The following CADPS variants were observed in gnomAD, a reference collection of about 807,000 sequenced individuals.
CADPS encodes calcium dependent secretion activator.
In CADPS, 57 loss-of-function variants were observed where a neutral mutation model predicts 167.3. The ratio of observed to expected loss-of-function variants is 0.34; its 90% CI spans 0.28 to 0.42. CADPS has a LOEUF of 0.42. Among genes scored for constraint, CADPS ranks in the 20% least tolerant of loss-of-function variants. CADPS has a pLI of 1.00. For synonymous variants in CADPS, 676 were observed against 635.3 expected (o/e 1.06, Z -0.96); for missense variants, 1,414 against 1,738.1 (o/e 0.81, Z 3.32).
intron 11 of CADPS, among the ~76,000 whole-genome samples, chr3:62,540,729 A>C (rs1179312187): frequency 6.6e-6 from 1 of 152,186 alleles, no homozygotes; most frequent in Admixed American, 6.6e-5. Flanking sequence ...TTCTGTTTCA[A>C]AGAACTTGTG....
At chr3:62,648,242 A>G (rs2069043296) in intron 5 of CADPS, among the ~76,000 whole-genome samples, 1 of 152,154 alleles carries the variant, frequency 6.6e-6, no homozygotes, top group East Asian at 1.9e-4. Flanking sequence ...TTTAAAAAGT[A>G]TTTGGGGATC....
At chr3:62,667,156 A>T (rs1330369668) in intron 3 of CADPS, among the ~76,000 whole-genome samples, 1 of 149,598 alleles carries the variant, frequency 6.7e-6, no homozygotes, top group Admixed American at 6.8e-5. Flanking sequence ...CTGGCATGTT[A>T]TGAGGATTAA....
intron 1 of CADPS, among the ~76,000 whole-genome samples, chr3:62,818,019 C>T (rs1295077842): frequency 6.6e-6 from 1 of 152,120 alleles, no homozygotes; most frequent in Non-Finnish European, 1.5e-5. Context: ...TGACTTTCTC[C>T]AATTCTAGGA....
At chr3:62,865,680 A>C (rs1014125213) in intron 1 of CADPS, among the ~76,000 whole-genome samples, 2 of 152,174 alleles carry the variant, frequency 1.3e-5, no homozygotes, top group African/African-American at 4.8e-5. Context: ...GAAATGTATC[A>C]GAAAAGTCCA....
intron 10 of CADPS, among the ~76,000 whole-genome samples, chr3:62,553,811 T>C (rs2152300114): frequency 6.6e-6 from 1 of 152,278 alleles, no homozygotes; most frequent in African/African-American, 2.4e-5. Context: ...GATCCACATG[T>C]CATAACCACA....
At chr3:62,579,545 G>C (rs13313954) in intron 8 of CADPS, among the ~76,000 whole-genome samples, 1 of 152,070 alleles carries the variant, frequency 6.6e-6, no homozygotes, top group Non-Finnish European at 1.5e-5. Flanking sequence ...AGGACACAGC[G>C]GGGCCAGGTA....
At chr3:62,727,469 C>T (rs2076957713) in intron 3 of CADPS, among the ~76,000 whole-genome samples, 1 of 151,828 alleles carries the variant, frequency 6.6e-6, no homozygotes, top group Non-Finnish European at 1.5e-5. Context: ...CAATACCCAC[C>T]TTTTCTCTGA....
intron 6 of CADPS, among the ~76,000 whole-genome samples, chr3:62,633,943 C>A (rs1180506353): frequency 6.6e-6 from 1 of 151,922 alleles, no homozygotes; most frequent in African/African-American, 2.4e-5. Context: ...TTTTTACTTC[C>A]CCCTGCTGCC....
At chr3:62,771,795 T>C (rs539183201) in intron 1 of CADPS, among the ~76,000 whole-genome samples, 7 of 152,332 alleles carry the variant, frequency 4.6e-5, no homozygotes, top group African/African-American at 1.7e-4. Flanking sequence ...TCTACCTCAT[T>C]AACCAAGGCC....
chr3:62,749,760 T>G (rs1362898091), intron 3 of CADPS, among the ~76,000 whole-genome samples: 5 of 152,170 alleles, frequency 3.3e-5, no homozygotes, highest in African/African-American at 9.7e-5. Context: ...AAATTAAATC[T>G]CTGCTTTGCT....
chr3:62,851,377 C>T (rs1221918168), intron 1 of CADPS, among the ~76,000 whole-genome samples: 7 of 136,510 alleles, frequency 5.1e-5, no homozygotes, highest in African/African-American at 1.1e-4. Context: ...TCTCGATGGT[C>T]GTTACATTTT....
chr3:62,619,399 C>T (rs1038653362), intron 6 of CADPS, among the ~76,000 whole-genome samples: 1 of 152,168 alleles, frequency 6.6e-6, no homozygotes, highest in Non-Finnish European at 1.5e-5. Context: ...AAGCCCTACA[C>T]GTGCTGCATT....
chr3:62,649,335 AT>A lies in CADPS; in HGVS notation c.1203+1511del, dbSNP rs2069411794. 2.6e-5 allele frequency among the ~76,000 whole-genome samples: 4 copies of A among 152,164 alleles called. No homozygotes were observed. The South Asian group carries it at 8.3e-4, about 32-fold the overall frequency. ...GTTTTACATATCATATAATAAACCC[AT>A]TTTAGATGCACAATTCAGTGATTTT... is the stretch of plus-strand genomic sequence containing the variant. On this transcript the variant is annotated intron_variant, in intron 5 of 29. Coordinates refer to ENST00000383710, the MANE Select transcript of CADPS (RefSeq NM_003716.4).
chr3:62,858,505 A>G (rs2080133465), intron 1 of CADPS, among the ~76,000 whole-genome samples: 1 of 152,118 alleles, frequency 6.6e-6, no homozygotes, highest in Non-Finnish European at 1.5e-5. Context: ...ACTCAGCTGT[A>G]TCTACTTCTA....
intron 16 of CADPS, among the ~76,000 whole-genome samples, chr3:62,513,403 A>C (rs2068285046): frequency 6.6e-6 from 1 of 151,952 alleles, no homozygotes; most frequent in Admixed American, 6.6e-5. Flanking sequence ...TAACTGAAAA[A>C]CTTACAGACA....
At chr3:62,850,121 G>T (rs1101782) in intron 1 of CADPS, among the ~76,000 whole-genome samples, 1 of 100,356 alleles carries the variant, frequency 1.0e-5, no homozygotes, top group Non-Finnish European at 2.2e-5. Flanking sequence ...ATCGGTGGTG[G>T]TATCCCCTTT....
chr3:62,572,528 CT>C (rs2081480835), intron 8 of CADPS, among the ~76,000 whole-genome samples: 1 of 152,262 alleles, frequency 6.6e-6, no homozygotes, highest in East Asian at 1.9e-4. Flanking sequence ...TGCCTCCCCC[CT>C]ACCCCCACCA....
At chr3:62,716,170 G>A (rs928387784) in intron 3 of CADPS, among the ~76,000 whole-genome samples, 3 of 151,924 alleles carry the variant, frequency 2.0e-5, no homozygotes, top group Non-Finnish European at 4.4e-5. Context: ...AGTGATTCTC[G>A]TGCATCAGCC....
intron 3 of CADPS, among the ~76,000 whole-genome samples, chr3:62,684,719 C>G (rs544445753): frequency 1.3e-5 from 2 of 151,964 alleles, no homozygotes; most frequent in African/African-American, 4.8e-5. Flanking sequence ...TCAACCCATC[C>G]TCAGTTCTAG....
Sources: gnomAD v4.1 joint callset for allele counts (sites outside exome capture counted in the v4.1 genomes callset) on GRCh38, gnomAD v4.1.1 for gene constraint, MANE v1.5 for transcripts, NCBI Gene and HGNC (gene_info 2026-07-23, HGNC 2026-07-21) for gene names.